The following AOPEP variants were observed in gnomAD, a reference collection of about 807,000 sequenced individuals.
AOPEP encodes aminopeptidase O.
Under a neutral mutation model 98.1 loss-of-function variants are expected in AOPEP, and 77 were observed. The ratio of observed to expected loss-of-function variants is 0.78; its 90% confidence interval spans 0.65 to 0.95. AOPEP has a LOEUF of 0.95. AOPEP is among the 40% of genes least tolerant of loss of function. The pLI is 0.00. For missense variants in AOPEP, 1,024 were observed against 1,024.7 expected (o/e 1.00, Z 0.01); for synonymous variants, 346 against 365.3 (o/e 0.95, Z 0.60).
At chr9:94,834,997 A>T (rs1170236162) in intron 5 of AOPEP, among the ~76,000 whole-genome samples, 1 of 152,212 alleles carries the variant, frequency 6.6e-6, no homozygotes, top group Admixed American at 6.5e-5. Context: ...ACATTGAATA[A>T]TCCTTATGGG....
chr9:94,974,985 C>T (rs1328223753), intron 10 of AOPEP, among the ~76,000 whole-genome samples: 1 of 152,098 alleles, frequency 6.6e-6, no homozygotes, highest in African/African-American at 2.4e-5. Context: ...TGCCTGTAAT[C>T]CCAGCACTTT....
intron 5 of AOPEP, among the ~76,000 whole-genome samples, chr9:94,891,248 CTTTTT>C (rs1327055392): frequency 6.6e-6 from 1 of 152,168 alleles, no homozygotes; most frequent in East Asian, 1.9e-4. Context: ...GCCACTCCTG[CTTTTT>C]TGGATTAATA....
At chr9:94,979,324 G>GT in intron 10 of AOPEP, 43 bp from the exon 11 acceptor site, 1 of 1,380,868 alleles carries the variant, frequency 7.2e-7, no homozygotes, top group Non-Finnish European at 1.0e-6. Flanking sequence ...TAAGCGCTCT[G>GT]TAACTTTTTA....
At chr9:94,808,366 CATT>C (rs1479132445) in intron 5 of AOPEP, among the ~76,000 whole-genome samples, 1 of 152,198 alleles carries the variant, frequency 6.6e-6, no homozygotes, top group African/African-American at 2.4e-5. Flanking sequence ...AGAAGTTTAA[CATT>C]ATTATATTAA....
Position 95,080,605 on chromosome 9 carries a change from C to T in AOPEP, c.2233-89C>T, listed in dbSNP as rs529055609. On this transcript the variant is annotated intron_variant, in intron 14 of 16. Coordinates refer to ENST00000375315, the MANE Select transcript of AOPEP (RefSeq NM_001193329.3). ...CCAGCCCATTTGAGAGCACAGCTTT[C>T]CGGAATACAGAGGCTGCCTGTCACT... The T allele has an allele frequency of 3.7e-5, 31 of 832,472 alleles. 1 individual carries two copies. The highest frequency in any genetic ancestry group is 6.5e-4 in the Middle Eastern group (2 of 3,076). The allele number at this position is 832,472 out of a possible 1,614,324, so 51.6% of individuals were successfully genotyped here. A position where few individuals can be genotyped will look rare whatever the true frequency, so the allele number is the denominator to read the frequency against.
the AOPEP span, among the ~76,000 whole-genome samples, chr9:95,139,821 AAT>A: frequency 6.9e-6 from 1 of 145,876 alleles, no homozygotes; most frequent in Admixed American, 6.8e-5. Flanking sequence ...TGACAAAATG[AAT>A]ATATATATAT....
intron 13 of AOPEP, among the ~76,000 whole-genome samples, chr9:95,047,818 A>G (rs79412461): frequency 0.01 from 1,580 of 152,298 alleles, 29 homozygotes; most frequent in African/African-American, 0.037. Context: ...TTTAGGATGA[A>G]GATACCAGTA....
intron 9 of AOPEP, among the ~76,000 whole-genome samples, chr9:94,958,980 G>T (rs961132669): frequency 3.4e-5 from 5 of 147,434 alleles, no homozygotes; most frequent in African/African-American, 9.9e-5. Flanking sequence ...TCACTCCTAT[G>T]TTTTTTTTTT....
At chr9:94,811,659 G>A (rs1222641548) in intron 5 of AOPEP, among the ~76,000 whole-genome samples, 5 of 152,172 alleles carry the variant, frequency 3.3e-5, no homozygotes, top group African/African-American at 2.4e-5. Flanking sequence ...GTAGGGGACT[G>A]GGCCCCAGTC....
chr9:95,073,967 A>G (rs1455649204), intron 14 of AOPEP, among the ~76,000 whole-genome samples: 1 of 152,246 alleles, frequency 6.6e-6, no homozygotes, highest in Non-Finnish European at 1.5e-5. Flanking sequence ...TTCTACATAT[A>G]CACATTTGTG....
At chr9:94,755,685 T>C (rs1267599828) in intron 1 of AOPEP, among the ~76,000 whole-genome samples, 3 of 152,100 alleles carry the variant, frequency 2.0e-5, no homozygotes, top group Non-Finnish European at 2.9e-5. Flanking sequence ...GAGGTGACAT[T>C]TGATTTATGA....
chr9:94,964,618 C>G (rs984061745), intron 9 of AOPEP, among the ~76,000 whole-genome samples: 3 of 146,672 alleles, frequency 2.0e-5, no homozygotes, highest in Non-Finnish European at 4.5e-5. Context: ...AAAAAGTTAT[C>G]ATTACAAGTA....
chr9:94,813,821 A>G (rs1352739936), intron 5 of AOPEP, among the ~76,000 whole-genome samples: 3 of 152,220 alleles, frequency 2.0e-5, no homozygotes, highest in Non-Finnish European at 4.4e-5. Flanking sequence ...AACCAAGAAC[A>G]TTTCATATTC....
chr9:95,044,220 A>T (rs1475594116), intron 13 of AOPEP, among the ~76,000 whole-genome samples: 2 of 152,210 alleles, frequency 1.3e-5, no homozygotes, highest in African/African-American at 2.4e-5. Flanking sequence ...TACAAGGCTT[A>T]AAAAAAGTAT....
chr9:95,062,368 C>T (rs1171224717), intron 14 of AOPEP, among the ~76,000 whole-genome samples: 1 of 152,154 alleles, frequency 6.6e-6, no homozygotes, highest in African/African-American at 2.4e-5. Context: ...TACATGTGAC[C>T]GAGATGCATA....
Position 94,773,067 on chromosome 9 carries a change from C to T in AOPEP, c.863C>T (p.Pro288Leu), listed in dbSNP as rs1451318724. Residue 288 changes from proline (P) to leucine (L), a missense_variant, in exon 3 of 17, where the codon CCC (proline) becomes CTC (leucine). Physicochemically the swap from Pro to Leu is moderately conservative, Grantham distance 98 (BLOSUM62 -3). This residue lies in a region of AOPEP where 440 missense variants were observed against 433.8 expected (regional missense o/e 1.01). Coordinates refer to ENST00000375315, the MANE Select transcript of AOPEP (RefSeq NM_001193329.3). ...GCCCTTTTTCCATGCCAGGAGCCAC[C>T]CGTTGCCATGTCAACATGGCAGGCT... ...NRALFPCQEP[P>L]VAMSTWQATV... The T allele has an allele frequency of 6.2e-7, 1 of 1,614,076 alleles. No individual in the cohort carries two copies. Among genetic ancestry groups the T allele is most frequent in the South Asian group, 1.1e-5 (1 of 91,082 alleles).
At chr9:94,758,158 G>A (rs1837475525) in intron 1 of AOPEP, among the ~76,000 whole-genome samples, 1 of 152,200 alleles carries the variant, frequency 6.6e-6, no homozygotes, top group Non-Finnish European at 1.5e-5. Context: ...AGGAAGAATA[G>A]GATTTGGCAG....
intron 5 of AOPEP, among the ~76,000 whole-genome samples, chr9:94,868,200 G>A (rs1226591215): frequency 2.0e-5 from 3 of 152,212 alleles, no homozygotes; most frequent in Non-Finnish European, 4.4e-5. Context: ...TAGCAGGCCT[G>A]TGTCACTCAT....
At chr9:95,112,719 G>C in the AOPEP span, among the ~76,000 whole-genome samples, 1 of 152,210 alleles carries the variant, frequency 6.6e-6, no homozygotes, top group African/African-American at 2.4e-5. Context: ...ACTGGATCAG[G>C]ATCAGAGACC....
Sources: allele counts gnomAD v4.1 joint callset (sites outside exome capture counted in the v4.1 genomes callset), GRCh38; gene constraint gnomAD v4.1.1; regional missense constraint gnomAD v4.1.1; transcripts MANE v1.5; gene names NCBI Gene and HGNC (gene_info 2026-07-23, HGNC 2026-07-21).